LRBA: variants seen among roughly 807,000 people sequenced by gnomAD.
LRBA encodes the protein LPS responsive beige-like anchor protein.
In LRBA, 176 loss-of-function variants were observed where a neutral mutation model predicts 330.0. The observed-to-expected ratio is 0.53, with a 90% confidence interval of 0.47 to 0.60. The LOEUF is 0.60. Ranked by LOEUF, LRBA falls within the 20% of genes least tolerant of loss-of-function variation. The pLI is 0.00. For missense variants in LRBA, 3,259 were observed against 3,444.8 expected (o/e 0.95, Z 1.35); for synonymous variants, 1,230 against 1,193.0 (o/e 1.03, Z -0.64).
intron 2 of LRBA, among the ~76,000 whole-genome samples, chr4:150,966,520 G>C (rs1738912561): frequency 6.7e-6 from 1 of 149,610 alleles, no homozygotes; most frequent in Non-Finnish European, 1.5e-5. Flanking sequence ...TAGAGACGGG[G>C]TTTCACCATG....
intron 48 of LRBA, among the ~76,000 whole-genome samples, chr4:150,332,161 A>C (rs1734079597): frequency 6.6e-6 from 1 of 152,156 alleles, no homozygotes; most frequent in Admixed American, 6.6e-5. Context: ...TTTAAGATGA[A>C]TAGTTATCTA....
intron 40 of LRBA, among the ~76,000 whole-genome samples, chr4:150,586,320 G>C (rs187961426): frequency 5.7e-4 from 86 of 152,138 alleles, no homozygotes; most frequent in African/African-American, 2.1e-3. Flanking sequence ...CAGAAAAAAA[G>C]TTTTTAAGTC....
chr4:150,508,248 G>T (rs867759291), intron 40 of LRBA, among the ~76,000 whole-genome samples: 1 of 137,124 alleles, frequency 7.3e-6, no homozygotes, highest in African/African-American at 2.6e-5. Flanking sequence ...AAAGGGGGGG[G>T]GGGGGAGAAA....
chr4:150,589,314 T>G (rs1337978392), intron 39 of LRBA, among the ~76,000 whole-genome samples: 1 of 152,150 alleles, frequency 6.6e-6, no homozygotes, highest in Non-Finnish European at 1.5e-5. Context: ...TAATCTCACA[T>G]CAATCTTAAT....
chr4:150,761,861 AGC>A lies in LRBA; in HGVS notation c.5581-16_5581-15del. 1.5e-6 allele frequency: 2 copies of A among 1,375,524 alleles called. No individual in the cohort carries two copies. The highest frequency in any genetic ancestry group is 2.0e-6 in the Non-Finnish European group (2 of 1,005,588). The allele number at this position is 1,375,524 out of a possible 1,614,324, so 85.2% of individuals were successfully genotyped here. A position where few individuals can be genotyped will look rare whatever the true frequency, so the allele number is the denominator to read the frequency against. On this transcript the variant is annotated splice_polypyrimidine_tract_variant and intron_variant, in intron 34 of 56. Coordinates refer to ENST00000651943, the MANE Select transcript of LRBA (RefSeq NM_001364905.1). The stretch of plus-strand genomic sequence containing the variant: ...ATTTTGCCACTCCTATAAAAAAAAA[AGC>A]AAAAATAGCTGAAGAAATGTCACTC...
intron 44 of LRBA, among the ~76,000 whole-genome samples, chr4:150,456,845 T>C (rs1167705427): frequency 6.6e-6 from 1 of 152,116 alleles, no homozygotes; most frequent in Non-Finnish European, 1.5e-5. Flanking sequence ...TTGATTTTTG[T>C]ATATGGTTAG....
At chr4:150,519,208 T>TA (rs1397445428) in intron 40 of LRBA, among the ~76,000 whole-genome samples, 1 of 152,168 alleles carries the variant, frequency 6.6e-6, no homozygotes, top group Non-Finnish European at 1.5e-5. Context: ...TCTTTTTTTT[T>TA]ACTTAAAATT....
At chr4:150,643,452 A>G (rs1314070478) in intron 37 of LRBA, among the ~76,000 whole-genome samples, 1 of 151,962 alleles carries the variant, frequency 6.6e-6, no homozygotes, top group African/African-American at 2.4e-5. Flanking sequence ...TGGAAGAAGA[A>G]TGGGCAAAGA....
At chr4:150,273,042 T>C (rs1746330889) in intron 56 of LRBA, among the ~76,000 whole-genome samples, 1 of 152,064 alleles carries the variant, frequency 6.6e-6, no homozygotes, top group African/African-American at 2.4e-5. Flanking sequence ...AAGGAAAAAT[T>C]GTTAAGGGCA....
chr4:150,376,267 T>C (rs963925313), intron 47 of LRBA, among the ~76,000 whole-genome samples: 1 of 152,184 alleles, frequency 6.6e-6, no homozygotes, highest in African/African-American at 2.4e-5. Context: ...GGCAACTCCT[T>C]TTATTAAAAT....
intron 37 of LRBA, among the ~76,000 whole-genome samples, chr4:150,608,966 T>C (rs541650745): frequency 6.6e-6 from 1 of 152,244 alleles, no homozygotes; most frequent in Non-Finnish European, 1.5e-5. Flanking sequence ...TGATATTTCA[T>C]TGTGTAGATA....
At chr4:150,980,756 A>C (rs1008189326) in intron 2 of LRBA, among the ~76,000 whole-genome samples, 1 of 152,200 alleles carries the variant, frequency 6.6e-6, no homozygotes, top group African/African-American at 2.4e-5. Context: ...GTCCACCAAA[A>C]AACTATTAGA....
intron 2 of LRBA, among the ~76,000 whole-genome samples, chr4:150,983,746 C>T (rs1230309803): frequency 1.3e-5 from 2 of 151,212 alleles, no homozygotes; most frequent in East Asian, 1.9e-4. Flanking sequence ...TGAGCCACCA[C>T]GCCAGGCTGG....
At chr4:150,780,133 T>C (rs1395075321) in intron 34 of LRBA, among the ~76,000 whole-genome samples, 1 of 152,186 alleles carries the variant, frequency 6.6e-6, no homozygotes, top group East Asian at 1.9e-4. Flanking sequence ...TTTGGGGCCT[T>C]CTACTCTGAA....
intron 2 of LRBA, among the ~76,000 whole-genome samples, chr4:150,970,230 T>C (rs1364769659): frequency 6.6e-6 from 1 of 152,142 alleles, no homozygotes; most frequent in Non-Finnish European, 1.5e-5. Flanking sequence ...CTGGGTGTGA[T>C]GGCTCACATC....
chr4:150,653,590 G>C (rs1779909470), intron 37 of LRBA, among the ~76,000 whole-genome samples: 1 of 152,154 alleles, frequency 6.6e-6, no homozygotes, highest in Non-Finnish European at 1.5e-5. Flanking sequence ...AGGTGTGAGA[G>C]GGCCCGCTGC....
chr4:150,548,849 T>C (rs1766201784), intron 40 of LRBA, among the ~76,000 whole-genome samples: 1 of 152,130 alleles, frequency 6.6e-6, no homozygotes, highest in Non-Finnish European at 1.5e-5. Flanking sequence ...TTTCCACAAA[T>C]GAGGAAGCTA....
At chr4:150,279,822 AGG>A (rs1747276495) in intron 55 of LRBA, among the ~76,000 whole-genome samples, 1 of 152,184 alleles carries the variant, frequency 6.6e-6, no homozygotes, top group South Asian at 2.1e-4. Flanking sequence ...GGCAATCTCT[AGG>A]GGTGTCTGGG....
At chr4:150,671,039 T>TGAGA (rs1270921507) in intron 37 of LRBA, among the ~76,000 whole-genome samples, 1 of 146,784 alleles carries the variant, frequency 6.8e-6, no homozygotes, top group South Asian at 2.2e-4. Context: ...TGTGTGTGTG[T>TGAGA]GTGAGAGAGA....
Sources: gnomAD v4.1 joint callset for allele counts (sites outside exome capture counted in the v4.1 genomes callset) on GRCh38, gnomAD v4.1.1 for gene constraint, MANE v1.5 for transcripts, NCBI Gene and HGNC (gene_info 2026-07-23, HGNC 2026-07-21) for gene names.